The following ARID1B variants were observed in gnomAD, a reference collection of about 807,000 sequenced individuals.
ARID1B encodes the protein AT-rich interactive domain-containing protein 1B.
In ARID1B, 30 loss-of-function variants were observed where a neutral mutation model predicts 212.3. The ratio of observed to expected loss-of-function variants is 0.14; its 90% CI spans 0.11 to 0.19. ARID1B has a LOEUF of 0.19. Among genes scored for constraint, ARID1B ranks in the 10% least tolerant of loss-of-function variants. The pLI is 1.00. For synonymous variants in ARID1B, 1,402 were observed against 1,301.7 expected (o/e 1.08, Z -1.66); for missense variants, 2,891 against 3,204.0 (o/e 0.90, Z 2.36).
intron 4 of ARID1B, chr6:156,985,127 A>G (rs1057048478): frequency 6.6e-6 from 1 of 152,218 alleles, no homozygotes; most frequent in Non-Finnish European, 1.5e-5. Flanking sequence ...CCATTTTGAG[A>G]TTCTTTCAGG....
chr6:156,908,145 C>T (rs571586051), intron 3 of ARID1B, among the ~76,000 whole-genome samples: 4 of 152,244 alleles, frequency 2.6e-5, no homozygotes, highest in Non-Finnish European at 2.9e-5. Flanking sequence ...AAGTGATCCT[C>T]CTACCTTGGC....
intron 3 of ARID1B, among the ~76,000 whole-genome samples, chr6:156,902,744 A>C (rs1346508109): frequency 1.0e-5 from 1 of 99,348 alleles, no homozygotes; most frequent in Admixed American, 8.7e-5. Context: ...TCAAAAAAAA[A>C]AAAAAAAAAA....
rs1405609882 is a variant in ARID1B, at chr6:157,060,388, GTC to G, written c.2248-24270_2248-24269del. 3.3e-5 allele frequency among the ~76,000 whole-genome samples: 5 copies of G among 152,084 alleles called. 1 individual carries two copies. Among genetic ancestry groups the G allele is most frequent in the Admixed American group, 2.6e-4 (4 of 15,270 alleles). ...ATTATTAATAATTATTTGCAAAGTA[GTC>G]TCTGTTTGTATGCAAACACGAACAT... On this transcript the variant is annotated intron_variant, in intron 4 of 19. Coordinates refer to ENST00000636930, the MANE Select transcript of ARID1B (RefSeq NM_001374828.1).
intron 4 of ARID1B, among the ~76,000 whole-genome samples, chr6:157,043,244 C>CCTTGCCTTTCCCCTGAAATG (rs1562572840): frequency 6.6e-6 from 1 of 152,170 alleles, no homozygotes; most frequent in Non-Finnish European, 1.5e-5. Flanking sequence ...CTAGTCTCCA[C>CCTTGCCTTTCCCCTGAAATG]CTTGCCTTTC....
chr6:157,071,914 C>T (rs1784027879), intron 4 of ARID1B: 1 of 152,112 alleles, frequency 6.6e-6, no homozygotes, highest in Admixed American at 6.5e-5. Context: ...CTTTTTCCCA[C>T]TTACCCAAAA....
At chr6:156,823,685 G>GTTTTT (rs1471010222) in intron 1 of ARID1B, among the ~76,000 whole-genome samples, 6 of 78,212 alleles carry the variant, frequency 7.7e-5, no homozygotes, top group African/African-American at 3.0e-4. Flanking sequence ...GGTTTTCTTT[G>GTTTTT]TTGTTTTTTT....
intron 4 of ARID1B, among the ~76,000 whole-genome samples, chr6:156,997,154 G>T (rs990953374): frequency 6.6e-5 from 10 of 152,166 alleles, no homozygotes; most frequent in Admixed American, 6.5e-5. Context: ...ATATAAAATT[G>T]ATGGTCTTAA....
At chr6:157,191,171 G>A (rs1029808540) in intron 15 of ARID1B, among the ~76,000 whole-genome samples, 1 of 152,098 alleles carries the variant, frequency 6.6e-6, no homozygotes, top group African/African-American at 2.4e-5. Flanking sequence ...GGTAAGAGTA[G>A]CTTTGGGGAG....
chr6:157,124,167 C>T (rs1787975587), intron 6 of ARID1B, among the ~76,000 whole-genome samples: 2 of 152,174 alleles, frequency 1.3e-5, no homozygotes, highest in Admixed American at 1.3e-4. Context: ...TTGGAAACAC[C>T]GTGAGATGAA....
intron 4 of ARID1B, among the ~76,000 whole-genome samples, chr6:157,033,683 G>GGA (rs1052804031): frequency 6.6e-6 from 1 of 152,156 alleles, no homozygotes; most frequent in African/African-American, 2.4e-5. Flanking sequence ...TTGTGCTTTA[G>GGA]GAGAGTGAGG....
intron 5 of ARID1B, among the ~76,000 whole-genome samples, chr6:157,104,402 T>C (rs1786313782): frequency 6.6e-6 from 1 of 152,178 alleles, no homozygotes; most frequent in African/African-American, 2.4e-5. Flanking sequence ...TATTAGCCAA[T>C]GTAGTTAGGC....
At chr6:157,068,178 C>G (rs761249916) in intron 4 of ARID1B, among the ~76,000 whole-genome samples, 9 of 152,190 alleles carry the variant, frequency 5.9e-5, no homozygotes, top group Non-Finnish European at 1.2e-4. Context: ...AATCCGTTGC[C>G]TTATCAATTC....
At chr6:156,839,399 A>T (rs1783736662) in intron 2 of ARID1B, among the ~76,000 whole-genome samples, 1 of 152,094 alleles carries the variant, frequency 6.6e-6, no homozygotes, top group Non-Finnish European at 1.5e-5. Flanking sequence ...CATTCTGATG[A>T]CCTTATCTAA....
At chr6:156,895,027 G>T (rs1185241642) in intron 2 of ARID1B, among the ~76,000 whole-genome samples, 1 of 152,188 alleles carries the variant, frequency 6.6e-6, no homozygotes, top group Non-Finnish European at 1.5e-5. Context: ...GTCCAGTGGT[G>T]TGGTGGTGTT....
intron 5 of ARID1B, among the ~76,000 whole-genome samples, chr6:157,105,713 T>C (rs1274120558): frequency 2.0e-5 from 3 of 152,282 alleles, no homozygotes; most frequent in Middle Eastern, 6.8e-3. Context: ...GCGATTCTCC[T>C]GCCTCAGCCT....
At chr6:156,892,217 A>G (rs1180102059) in intron 2 of ARID1B, among the ~76,000 whole-genome samples, 2 of 152,054 alleles carry the variant, frequency 1.3e-5, no homozygotes, top group African/African-American at 4.8e-5. Context: ...ATAAATTCCT[A>G]AAGTAGAATT....
At chr6:157,193,335 G>A (rs1793511104) in intron 15 of ARID1B, 1 of 152,182 alleles carries the variant, frequency 6.6e-6, no homozygotes, top group Non-Finnish European at 1.5e-5. Context: ...ATTCCTAGAA[G>A]TAGAATTGTT....
chr6:156,990,370 C>T (rs895229018), intron 4 of ARID1B, among the ~76,000 whole-genome samples: 2 of 151,944 alleles, frequency 1.3e-5, no homozygotes, highest in South Asian at 2.1e-4. Flanking sequence ...AGGCCGGGCG[C>T]TGTGGCTCAC....
chr6:156,942,407 G>T (rs1163902037), intron 4 of ARID1B: 4 of 152,188 alleles, frequency 2.6e-5, no homozygotes, highest in Non-Finnish European at 5.9e-5. Flanking sequence ...ACCTCTGTGA[G>T]GCCACGGAGC....
Sources: allele counts gnomAD v4.1 joint callset (sites outside exome capture counted in the v4.1 genomes callset), GRCh38; gene constraint gnomAD v4.1.1; transcripts MANE v1.5; gene names NCBI Gene and HGNC (gene_info 2026-07-23, HGNC 2026-07-21).